PAK5: variants seen among roughly 807,000 people sequenced by gnomAD.
PAK5 encodes the protein p21 (RAC1) activated kinase 5, also known as serine/threonine-protein kinase PAK 5.
In PAK5, 16 loss-of-function variants were observed where a neutral mutation model predicts 65.9. The observed-to-expected ratio is 0.24, with a 90% confidence interval of 0.16 to 0.37. The LOEUF (loss-of-function observed/expected upper bound fraction) is 0.37, where lower values mean the gene tolerates loss of function less well. Ranked by LOEUF, PAK5 falls within the 10% of genes least tolerant of loss-of-function variation. PAK5 has a pLI of 1.00. For missense variants in PAK5, 785 were observed against 903.9 expected (o/e 0.87, Z 1.69); for synonymous variants, 371 against 354.9 (o/e 1.05, Z -0.51).
At chr20:9,540,537 G>A (rs1603184965) in intron 9 of PAK5, among the ~76,000 whole-genome samples, 1 of 152,104 alleles carries the variant, frequency 6.6e-6, no homozygotes, top group African/African-American at 2.4e-5. Context: ...TCCGACGTGT[G>A]GCAAAAGTTA....
At chr20:9,631,489 A>G (rs2046921006) in intron 3 of PAK5, among the ~76,000 whole-genome samples, 1 of 152,182 alleles carries the variant, frequency 6.6e-6, no homozygotes, top group African/African-American at 2.4e-5. Flanking sequence ...CAAAGAAAAG[A>G]ATTCTGCCCA....
rs182059826 is a variant in PAK5, at chr20:9,786,225, G to A, written c.-162+52537C>T. Among the ~76,000 whole-genome samples, 515 of 152,148 alleles carry A rather than the reference G, an allele frequency of 3.4e-3. 6 individuals are homozygous for A. The highest frequency in any genetic ancestry group is 0.012 in the African/African-American group (492 of 41,466). ...CAACAACTTCACATTCCCATGCCCA[G>A]CTGGAAGGGAGGCTGGGAAGTTGAG... is the stretch of plus-strand genomic sequence containing the variant. On this transcript the variant is annotated intron_variant, in intron 1 of 9. Transcript: ENST00000353224.
At chr20:9,813,132 G>A (rs188297636) in intron 1 of PAK5, among the ~76,000 whole-genome samples, 83 of 152,190 alleles carry the variant, frequency 5.5e-4, no homozygotes, top group Non-Finnish European at 9.7e-4. Context: ...CAAAATAAGA[G>A]TACCTTATGT....
intron 1 of PAK5, among the ~76,000 whole-genome samples, chr20:9,821,808 A>AT (rs1275902605): frequency 9.2e-5 from 14 of 152,128 alleles, no homozygotes; most frequent in African/African-American, 2.7e-4. Flanking sequence ...ATGCAAAATT[A>AT]TTTTTGGTTT....
chr20:9,657,433 T>C (rs567789720), intron 2 of PAK5, among the ~76,000 whole-genome samples: 1 of 152,310 alleles, frequency 6.6e-6, no homozygotes, highest in East Asian at 1.9e-4. Context: ...TTTTTGGCTA[T>C]TACACATAAA....
chr20:9,714,086 A>G (rs1055109888), intron 1 of PAK5, among the ~76,000 whole-genome samples: 3 of 152,136 alleles, frequency 2.0e-5, no homozygotes, highest in African/African-American at 7.2e-5. Context: ...TTATTTTCAC[A>G]TTGTATACAT....
intron 3 of PAK5, among the ~76,000 whole-genome samples, chr20:9,593,669 G>C (rs1364774797): frequency 1.3e-5 from 2 of 152,168 alleles, no homozygotes; most frequent in Non-Finnish European, 2.9e-5. Context: ...GTGGAAGACA[G>C]TGTGGCGATT....
chr20:9,703,819 C>T (rs1440246542), intron 2 of PAK5, among the ~76,000 whole-genome samples: 1 of 152,116 alleles, frequency 6.6e-6, no homozygotes, highest in African/African-American at 2.4e-5. Context: ...AGTGGATAGG[C>T]TATTTCCCCC....
chr20:9,780,431 T>A (rs1026157877), intron 1 of PAK5, among the ~76,000 whole-genome samples: 1 of 152,148 alleles, frequency 6.6e-6, no homozygotes, highest in Non-Finnish European at 1.5e-5. Context: ...TCTAAAATCA[T>A]ATTTTCTTAA....
chr20:9,799,818 A>G (rs1051038732), intron 1 of PAK5, among the ~76,000 whole-genome samples: 4 of 151,574 alleles, frequency 2.6e-5, no homozygotes, highest in African/African-American at 9.7e-5. Context: ...GTGTGCGCCT[A>G]TAGTCACAGC....
chr20:9,541,460 C>T (rs1351226738), intron 9 of PAK5, among the ~76,000 whole-genome samples: 1 of 152,174 alleles, frequency 6.6e-6, no homozygotes, highest in East Asian at 1.9e-4. Context: ...ACCTTCATTG[C>T]CCTGTACAAT....
At chr20:9,758,355 G>A (rs2048659531) in intron 1 of PAK5, among the ~76,000 whole-genome samples, 1 of 152,102 alleles carries the variant, frequency 6.6e-6, no homozygotes, top group Non-Finnish European at 1.5e-5. Context: ...GAAGGGAGTG[G>A]CATCGAACAC....
At chr20:9,626,778 TA>T (rs1395959941) in intron 3 of PAK5, among the ~76,000 whole-genome samples, 1 of 152,080 alleles carries the variant, frequency 6.6e-6, no homozygotes, top group East Asian at 1.9e-4. Flanking sequence ...CTTTTATTTT[TA>T]TTTATTTTTT....
chr20:9,831,157 T>A (rs1225943031), intron 1 of PAK5, among the ~76,000 whole-genome samples: 3 of 152,252 alleles, frequency 2.0e-5, no homozygotes, highest in African/African-American at 7.2e-5. Flanking sequence ...GTGCCTGATA[T>A]CTAGACCTGG....
chr20:9,656,016 G>A (rs2047262967), intron 2 of PAK5, among the ~76,000 whole-genome samples: 1 of 152,074 alleles, frequency 6.6e-6, no homozygotes, highest in South Asian at 2.1e-4. Context: ...GTCACATTTG[G>A]AGGCATTGGA....
chr20:9,810,591 C>T (rs2049287384), intron 1 of PAK5, among the ~76,000 whole-genome samples: 1 of 152,160 alleles, frequency 6.6e-6, no homozygotes, highest in Admixed American at 6.5e-5. Context: ...CAGTGTTTAA[C>T]TAGGCTTAAT....
Position 9,641,733 on chromosome 20 carries a change from C to T in PAK5, c.204+2392G>A, listed in dbSNP as rs906926689. The stretch of plus-strand genomic sequence containing the variant: ...GGGCTGCAGGTCCCAAGCCCTGCCC[C>T]GTGGGAAGGCAGCTAAGGCCCGGCG... On this transcript the variant is annotated intron_variant, in intron 3 of 9. Coordinates refer to ENST00000353224, the MANE Select transcript of PAK5 (RefSeq NM_177990.4). Among the ~76,000 whole-genome samples, 200 of 152,204 alleles carry T rather than the reference C, an allele frequency of 1.3e-3. 1 individual carries two copies. Among genetic ancestry groups the T allele is most frequent in the African/African-American group, 4.4e-3 (182 of 41,554 alleles).
intron 3 of PAK5, among the ~76,000 whole-genome samples, chr20:9,586,657 A>C (rs2046075337): frequency 6.6e-6 from 1 of 152,148 alleles, no homozygotes; most frequent in Admixed American, 6.5e-5. Flanking sequence ...AAAAGGAATC[A>C]ATACAATTTC....
At chr20:9,678,794 T>G (rs1028783983) in intron 2 of PAK5, among the ~76,000 whole-genome samples, 7 of 152,032 alleles carry the variant, frequency 4.6e-5, no homozygotes, top group African/African-American at 1.7e-4. Context: ...CTCACTATCA[T>G]GACAACAGCA....
Sources: gnomAD v4.1 joint callset for allele counts (sites outside exome capture counted in the v4.1 genomes callset) on GRCh38, gnomAD v4.1.1 for gene constraint, MANE v1.5 for transcripts, NCBI Gene and HGNC (gene_info 2026-07-23, HGNC 2026-07-21) for gene names.